The following C1QTNF3 variants were observed in gnomAD, a reference collection of about 807,000 sequenced individuals.
The protein encoded by C1QTNF3 is C1q and TNF related 3.
In C1QTNF3, 26 loss-of-function variants were observed where a neutral mutation model predicts 32.6. The observed-to-expected ratio is 0.80, with a 90% CI of 0.58 to 1.11. The LOEUF (loss-of-function observed/expected upper bound fraction) is 1.11, where lower values mean the gene tolerates loss of function less well. Ranked by LOEUF, C1QTNF3 falls within the 50% of genes least tolerant of loss-of-function variation. The pLI, the probability that C1QTNF3 is intolerant of heterozygous loss-of-function variation, is 0.00. For missense variants in C1QTNF3, 362 were observed against 398.2 expected (o/e 0.91, Z 0.77); for synonymous variants, 155 against 146.0 (o/e 1.06, Z -0.44).
chr5:34,143,709 ATTC>A, the C1QTNF3 span, among the ~76,000 whole-genome samples: 4 of 152,286 alleles, frequency 2.6e-5, no homozygotes, highest in South Asian at 8.3e-4. Context: ...AAGAAATAAA[ATTC>A]TTCTCAGAAA....
chr5:34,219,572 GA>G, the C1QTNF3 span, among the ~76,000 whole-genome samples: 43 of 143,458 alleles, frequency 3.0e-4, no homozygotes, highest in Middle Eastern at 3.5e-3. Flanking sequence ...TATTGTGATG[GA>G]AAAAAAAAAA....
In C1QTNF3 at chr5:34,043,154, TGAG is replaced by T. The variant is rs1326645366; in HGVS notation, c.-32_-30del. The T allele has an allele frequency of 6.3e-7, 1 of 1,592,750 alleles. No individual in the cohort carries two copies. The highest frequency in any genetic ancestry group is 1.7e-5 in the Admixed American group (1 of 58,750). On this transcript the variant is annotated 5_prime_UTR_variant, in exon 1 of 6. Coordinates refer to ENST00000382065, the MANE Select transcript of C1QTNF3 (RefSeq NM_181435.6). ...TCTCAACAGAGCCTCAGAGTCTCCC[TGAG>T]AAGACAGCAGAGCTCCAGGAGCGTG... is the stretch of plus-strand genomic sequence containing the variant.
At chr5:34,147,848 G>A in the C1QTNF3 span, among the ~76,000 whole-genome samples, 1 of 152,192 alleles carries the variant, frequency 6.6e-6, no homozygotes, top group Non-Finnish European at 1.5e-5. Flanking sequence ...ACAAGGGCGG[G>A]AGGAGCCAAG....
the C1QTNF3 span, among the ~76,000 whole-genome samples, chr5:34,072,063 T>C: frequency 6.6e-6 from 1 of 152,038 alleles, no homozygotes; most frequent in Non-Finnish European, 1.5e-5. Context: ...ATAAGAAAGA[T>C]TGATTATAAT....
chr5:34,241,021 A>G, the C1QTNF3 span, among the ~76,000 whole-genome samples: 4 of 152,158 alleles, frequency 2.6e-5, no homozygotes, highest in Non-Finnish European at 5.9e-5. Context: ...ATCAAAAACC[A>G]TATGATCATC....
chr5:34,107,923 C>CTTACT, the C1QTNF3 span, among the ~76,000 whole-genome samples: 1 of 152,008 alleles, frequency 6.6e-6, no homozygotes, highest in Non-Finnish European at 1.5e-5. Flanking sequence ...CCACAAGATA[C>CTTACT]TAGTAAAACT....
the C1QTNF3 span, among the ~76,000 whole-genome samples, chr5:34,060,571 T>C: frequency 1.1e-3 from 164 of 152,296 alleles, 3 homozygotes; most frequent in Non-Finnish European, 1.4e-3. Context: ...AGAGGTTTAA[T>C]TGGACACACA....
the C1QTNF3 span, among the ~76,000 whole-genome samples, chr5:34,131,590 G>A: frequency 6.6e-6 from 1 of 152,200 alleles, no homozygotes; most frequent in African/African-American, 2.4e-5. Flanking sequence ...GATCTCAGAG[G>A]AGGAAAAATA....
At chr5:34,229,764 T>C in the C1QTNF3 span, among the ~76,000 whole-genome samples, 47 of 152,350 alleles carry the variant, frequency 3.1e-4, no homozygotes, top group East Asian at 3.7e-3. Context: ...TTGAAGATGA[T>C]TGGCATTGTT....
Position 34,035,653 on chromosome 5 carries a change from T to G in C1QTNF3, c.409A>C (p.Ile137Leu). 1 of 1,608,844 alleles carries G rather than the reference T, an allele frequency of 6.2e-7. No homozygotes were observed. Among genetic ancestry groups the G allele is most frequent in the Non-Finnish European group, 8.5e-7 (1 of 1,176,396 alleles). Reference sequence around the variant, plus strand: ...ATGTCTTGCTCATCCTTACCTGGAATGCCAGGAGGGCCCGGTGGCCCAGGG... The same window carrying G: ...ATGTCTTGCTCATCCTTACCTGGAAGGCCAGGAGGGCCCGGTGGCCCAGGG... ...GPPGPPGPPG[I>L]PGNHGNNGNN... Residue 137 changes from isoleucine to leucine, a missense_variant, in exon 2 of 6, where the codon ATT becomes CTT. Physicochemically the swap from Ile to Leu is conservative, Grantham distance 5. Transcript: ENST00000382065.
the C1QTNF3 span, among the ~76,000 whole-genome samples, chr5:34,210,838 C>G: frequency 1.3e-5 from 2 of 151,928 alleles, no homozygotes; most frequent in African/African-American, 2.4e-5. Context: ...TTTTCTTGCC[C>G]AAGTTATATG....
At chr5:34,091,693 A>C in the C1QTNF3 span, among the ~76,000 whole-genome samples, 58 of 152,214 alleles carry the variant, frequency 3.8e-4, no homozygotes, top group African/African-American at 1.4e-3. Context: ...TCTTTTCTTT[A>C]AGATCACAGT....
chr5:34,197,637 G>A, the C1QTNF3 span, among the ~76,000 whole-genome samples: 294 of 152,166 alleles, frequency 1.9e-3, 3 homozygotes, highest in African/African-American at 6.3e-3. Context: ...GTTCTGACTC[G>A]AAGTCTCTCA....
intron 5 of C1QTNF3, 100 bp from the exon 6 acceptor site, chr5:34,020,842 T>C: frequency 7.9e-7 from 1 of 1,263,358 alleles, no homozygotes; most frequent in Non-Finnish European, 1.1e-6. Flanking sequence ...ACAGGTATAA[T>C]CCTGCGGCTA....
the C1QTNF3 span, among the ~76,000 whole-genome samples, chr5:34,112,115 T>C: frequency 6.6e-6 from 1 of 152,342 alleles, no homozygotes; most frequent in African/African-American, 2.4e-5. Context: ...ATGATCATTG[T>C]TTCCCTATTA....
chr5:34,163,108 T>C, the C1QTNF3 span, among the ~76,000 whole-genome samples: 4 of 152,316 alleles, frequency 2.6e-5, no homozygotes, highest in South Asian at 8.3e-4. Context: ...TGGCAGCTTC[T>C]GTGTCTTACC....
chr5:34,055,214 C>T, the C1QTNF3 span, among the ~76,000 whole-genome samples: 3 of 152,198 alleles, frequency 2.0e-5, no homozygotes, highest in African/African-American at 7.2e-5. Flanking sequence ...TGTTCTTTGT[C>T]ATTTATTCCA....
the C1QTNF3 span, among the ~76,000 whole-genome samples, chr5:34,113,343 G>A: frequency 2.0e-5 from 3 of 150,872 alleles, no homozygotes; most frequent in African/African-American, 7.3e-5. Flanking sequence ...CAGATTCGGT[G>A]AACAAGCATA....
the C1QTNF3 span, among the ~76,000 whole-genome samples, chr5:34,089,657 G>A: frequency 2.0e-5 from 3 of 152,322 alleles, no homozygotes; most frequent in Admixed American, 1.3e-4. Context: ...ATAGCGTTCT[G>A]CACAGACTAA....
Sources: gnomAD v4.1 joint callset for allele counts (sites outside exome capture counted in the v4.1 genomes callset) on GRCh38, gnomAD v4.1.1 for gene constraint, MANE v1.5 for transcripts, NCBI Gene and HGNC (gene_info 2026-07-23, HGNC 2026-07-21) for gene names.